The following ANKS1B variants were observed in gnomAD, a reference collection of about 807,000 sequenced individuals.
ANKS1B encodes the protein ankyrin repeat and sterile alpha motif domain-containing protein 1B.
ANKS1B carries 36 observed loss-of-function variants against 148.3 expected under a neutral mutation model. The ratio of observed to expected loss-of-function variants is 0.24; its 90% CI spans 0.19 to 0.32. The LOEUF (loss-of-function observed/expected upper bound fraction) is 0.32, where lower values mean the gene tolerates loss of function less well. Ranked by LOEUF, ANKS1B falls within the 10% of genes least tolerant of loss-of-function variation. The pLI, the probability that ANKS1B is intolerant of heterozygous loss-of-function variation, is 1.00. For synonymous variants in ANKS1B, 542 were observed against 560.8 expected, an observed-to-expected ratio of 0.97 and a Z score of 0.47; for missense variants, 1,157 against 1,542.6, an observed-to-expected ratio of 0.75 and a Z score of 4.19.
intron 17 of ANKS1B, among the ~76,000 whole-genome samples, chr12:98,891,753 C>CT (rs10717719): frequency 1.3e-5 from 2 of 151,978 alleles, no homozygotes; most frequent in East Asian, 1.9e-4. Context: ...AATATGCATA[C>CT]TTTTTTTCAG....
Position 99,779,094 on chromosome 12 carries a change from A to G in ANKS1B, c.847+777T>C, listed in dbSNP as rs139422382. Among the ~76,000 whole-genome samples the G allele has an allele frequency of 3.9e-5, 6 of 152,366 alleles. No individual in the cohort carries two copies. In the East Asian group the frequency reaches 1.2e-3, roughly 29 times the overall value. On this transcript the variant is annotated intron_variant, in intron 6 of 26. Transcript: ENST00000683438. ...TGTCAGGCCTAATCACCAAACAGGAAGAGAAAGCATTTAAGTCTAATTTTG... is the reference window on the plus strand; with the variant it reads ...TGTCAGGCCTAATCACCAAACAGGAGGAGAAAGCATTTAAGTCTAATTTTG...
At chr12:99,968,545 G>A (rs944108969) in intron 1 of ANKS1B, among the ~76,000 whole-genome samples, 5 of 149,098 alleles carry the variant, frequency 3.4e-5, no homozygotes, top group East Asian at 3.9e-4. Flanking sequence ...GCAAAAGACC[G>A]AGCCTCTGTC....
chr12:99,499,422 A>C (rs2096634926), intron 10 of ANKS1B, among the ~76,000 whole-genome samples: 1 of 152,120 alleles, frequency 6.6e-6, no homozygotes, highest in African/African-American at 2.4e-5. Flanking sequence ...AACAACAACA[A>C]ACTCAGGCAT....
chr12:99,450,171 A>G (rs1414725576), intron 10 of ANKS1B, among the ~76,000 whole-genome samples: 2 of 152,134 alleles, frequency 1.3e-5, no homozygotes, highest in Non-Finnish European at 2.9e-5. Flanking sequence ...GGAGGCCTGG[A>G]AAAAAACAGT....
intron 14 of ANKS1B, among the ~76,000 whole-genome samples, chr12:99,229,776 A>G (rs1247373083): frequency 6.6e-6 from 1 of 151,952 alleles, no homozygotes; most frequent in East Asian, 1.9e-4. Context: ...CTAATGGTAG[A>G]TTTTAGAAAA....
chr12:99,501,775 G>C (rs1193022662), intron 10 of ANKS1B, among the ~76,000 whole-genome samples: 1 of 152,090 alleles, frequency 6.6e-6, no homozygotes, highest in Non-Finnish European at 1.5e-5. Context: ...AGCTCCCCCA[G>C]GACAAATGTG....
chr12:98,780,194 G>A (rs945607726), intron 24 of ANKS1B, among the ~76,000 whole-genome samples: 1 of 152,178 alleles, frequency 6.6e-6, no homozygotes, highest in Non-Finnish European at 1.5e-5. Flanking sequence ...CCAAAACGGA[G>A]GGGGTCCAGG....
At chr12:99,780,608 CTATT>C (rs1286016291) in intron 5 of ANKS1B, among the ~76,000 whole-genome samples, 1 of 152,092 alleles carries the variant, frequency 6.6e-6, no homozygotes, top group Admixed American at 6.5e-5. Flanking sequence ...TGGGTTATAA[CTATT>C]TAACTCAACA....
rs1170440464 is a variant in ANKS1B at position 99,775,559 on chromosome 12, T to C, written c.950A>G (p.Gln317Arg). ...AATTAGGTACTCACTTTTGGTCTTT[T>C]GGGAAGGAGACTCAACAGGAGATGA... ...HISSPVESPSQKTKSETVTGE... is the reference protein window; with the variant it reads ...HISSPVESPSRKTKSETVTGE... Residue 317 changes from glutamine to arginine, a missense_variant, in exon 7 of 27, where the codon CAA becomes CGA. Gln to Arg is a conservative substitution (Grantham distance 43). Around this residue, in one of 6 missense-constraint regions of ANKS1B, gnomAD observed 661 missense variants for 642.1 expected, o/e 1.03. Transcript: ENST00000683438. 1.2e-6 allele frequency: 2 copies of C among 1,612,582 alleles called. No homozygotes were observed. Among genetic ancestry groups the C allele is most frequent in the Admixed American group, 1.7e-5 (1 of 59,990 alleles).
At chr12:98,794,993 T>A (rs1362191327) in intron 22 of ANKS1B, 2 of 974,708 alleles carry the variant, frequency 2.1e-6, no homozygotes, top group Non-Finnish European at 3.3e-6. Context: ...CCATTTCTTT[T>A]ATGAACATTT....
chr12:98,913,040 T>C (rs2099788844), intron 17 of ANKS1B, among the ~76,000 whole-genome samples: 1 of 152,172 alleles, frequency 6.6e-6, no homozygotes, highest in Non-Finnish European at 1.5e-5. Flanking sequence ...CATCATATCC[T>C]ATCATACACC....
intron 17 of ANKS1B, among the ~76,000 whole-genome samples, chr12:98,852,744 CT>C (rs894951962): frequency 7.9e-5 from 12 of 152,118 alleles, no homozygotes; most frequent in African/African-American, 2.2e-4. Context: ...AAAGCCTGAG[CT>C]TTTTCCCCCC....
At chr12:99,466,325 G>T (rs1199377884) in intron 10 of ANKS1B, among the ~76,000 whole-genome samples, 1 of 152,006 alleles carries the variant, frequency 6.6e-6, no homozygotes, top group Admixed American at 6.6e-5. Context: ...AAATGCTCAC[G>T]AGAGAAAGCA....
intron 17 of ANKS1B, among the ~76,000 whole-genome samples, chr12:99,022,991 T>C (rs548392468): frequency 8.5e-5 from 13 of 152,332 alleles, no homozygotes; most frequent in African/African-American, 2.9e-4. Context: ...TACATATTTT[T>C]TGGCCTTTAA....
Position 99,390,140 on chromosome 12 carries a change from C to T in ANKS1B, c.1756+9491G>A, listed in dbSNP as rs916940531. On this transcript the variant is annotated intron_variant, in intron 12 of 26. Transcript: ENST00000683438. The stretch of plus-strand genomic sequence containing the variant: ...TAACAGCAATAAAAAAGTAATAATA[C>T]CCACATGTATTAAGCATTTATGAAG... Among the ~76,000 whole-genome samples, 7 of 152,232 alleles carry T rather than the reference C, an allele frequency of 4.6e-5. No individual in the cohort carries two copies. In the South Asian group the frequency reaches 1.2e-3, roughly 27 times the overall value.
intron 9 of ANKS1B, among the ~76,000 whole-genome samples, chr12:99,567,394 T>A (rs1205643048): frequency 1.3e-5 from 2 of 152,086 alleles, no homozygotes; most frequent in Non-Finnish European, 2.9e-5. Flanking sequence ...TATGCTTATA[T>A]CCCTCTGAGT....
chr12:99,036,932 C>T (rs920638835), intron 17 of ANKS1B, among the ~76,000 whole-genome samples: 1 of 152,198 alleles, frequency 6.6e-6, no homozygotes, highest in South Asian at 2.1e-4. Context: ...ACAGAATCAC[C>T]ATAAGGCTCT....
At chr12:98,945,002 G>A (rs1170835194) in intron 17 of ANKS1B, among the ~76,000 whole-genome samples, 2 of 152,106 alleles carry the variant, frequency 1.3e-5, no homozygotes, top group Non-Finnish European at 2.9e-5. Context: ...ATTAGACAAG[G>A]CTCTCCTATC....
At chr12:99,547,748 A>T (rs2097184123) in intron 9 of ANKS1B, among the ~76,000 whole-genome samples, 1 of 152,190 alleles carries the variant, frequency 6.6e-6, no homozygotes, top group Admixed American at 6.5e-5. Flanking sequence ...AAACACTCCC[A>T]TGTCTTGGGA....
Sources: gnomAD v4.1 joint callset for allele counts (sites outside exome capture counted in the v4.1 genomes callset) on GRCh38, gnomAD v4.1.1 for gene constraint, gnomAD v4.1.1 regional missense constraint, MANE v1.5 for transcripts, NCBI Gene and HGNC (gene_info 2026-07-23, HGNC 2026-07-21) for gene names.